TXNDC15: variants seen among roughly 807,000 people sequenced by gnomAD.
TXNDC15 encodes the protein thioredoxin domain-containing protein 15.
Under a neutral mutation model 35.0 loss-of-function variants are expected in TXNDC15, and 24 were observed. The observed-to-expected ratio is 0.68, with a 90% CI of 0.50 to 0.96. The LOEUF is 0.96. Among genes scored for constraint, TXNDC15 ranks in the 40% least tolerant of loss-of-function variants. The pLI is 0.00. For synonymous variants in TXNDC15, 169 were observed against 174.0 expected, an observed-to-expected ratio of 0.97 and a Z score of 0.23; for missense variants, 385 against 453.3, an observed-to-expected ratio of 0.85 and a Z score of 1.37.
chr5:134,900,285 T>C lies in TXNDC15; in HGVS notation c.*600T>C. 1 of 152,290 alleles carries C rather than the reference T, an allele frequency of 6.6e-6. No homozygotes were observed. The highest frequency in any genetic ancestry group is 1.9e-4 in the East Asian group (1 of 5,210). The allele number at this position is 152,290 out of a possible 1,614,324, so 9.4% of individuals were successfully genotyped here. A position where few individuals can be genotyped will look rare whatever the true frequency, so the allele number is the denominator to read the frequency against. ...AAGGGAGATGTTAGGAGAAAGGAAA[T>C]GCTGTAACTAAAGCTCAATTATTAT... is the stretch of plus-strand genomic sequence containing the variant. On this transcript the variant is annotated 3_prime_UTR_variant, in exon 5 of 5. Transcript: ENST00000358387.
chr5:134,878,372 T>C (rs1750080520), intron 1 of TXNDC15, among the ~76,000 whole-genome samples: 1 of 152,226 alleles, frequency 6.6e-6, no homozygotes, highest in African/African-American at 2.4e-5. Context: ...CACAGTAGCC[T>C]CATAATTTTC....
intron 4 of TXNDC15, among the ~76,000 whole-genome samples, chr5:134,898,224 C>T (rs1750533596): frequency 6.6e-6 from 1 of 152,132 alleles, no homozygotes; most frequent in Admixed American, 6.5e-5. Context: ...TGAGATGCAC[C>T]TGCATTGTCA....
At chr5:134,894,730 G>A (rs1390123876) in intron 3 of TXNDC15, among the ~76,000 whole-genome samples, 2 of 152,066 alleles carry the variant, frequency 1.3e-5, no homozygotes, top group Admixed American at 6.6e-5. Flanking sequence ...TAAGTGCTGC[G>A]ATTGTGCCTG....
chr5:134,886,706 G>T (rs1392309020), intron 1 of TXNDC15, among the ~76,000 whole-genome samples: 1 of 152,264 alleles, frequency 6.6e-6, no homozygotes, highest in Non-Finnish European at 1.5e-5. Flanking sequence ...ACCTCAGGAA[G>T]GAGCTGCTGT....
rs189939757 is a variant in TXNDC15, at chr5:134,890,859, G to C, written c.592-2633G>C. Among the ~76,000 whole-genome samples, 4 of 152,326 alleles carry C rather than the reference G, an allele frequency of 2.6e-5. No individual in the cohort carries two copies. In the East Asian group the frequency reaches 7.7e-4, roughly 29 times the overall value. ...TGCTGCATTATCAACTAAGTTTATG[G>C]AATATTCTAAATCCTTTGTCGTCAT... On this transcript the variant is annotated intron_variant, in intron 2 of 4. Coordinates refer to ENST00000358387, the MANE Select transcript of TXNDC15 (RefSeq NM_024715.4).
intron 1 of TXNDC15, among the ~76,000 whole-genome samples, chr5:134,884,308 G>A (rs2150186116): frequency 6.6e-6 from 1 of 150,752 alleles, no homozygotes; most frequent in African/African-American, 2.4e-5. Context: ...GAGTGCAATG[G>A]CACTATCTCG....
chr5:134,879,090 G>A (rs928258258), intron 1 of TXNDC15, among the ~76,000 whole-genome samples: 1 of 152,230 alleles, frequency 6.6e-6, no homozygotes, highest in African/African-American at 2.4e-5. Flanking sequence ...GAATAATTCA[G>A]TGTTTCTTTT....
chr5:134,879,235 C>A (rs1017489609), intron 1 of TXNDC15, among the ~76,000 whole-genome samples: 1 of 152,110 alleles, frequency 6.6e-6, no homozygotes, highest in Non-Finnish European at 1.5e-5. Context: ...CTTAAAATAC[C>A]AGCTCCATGC....
rs140474825 is a variant in TXNDC15 at position 134,887,851 on chromosome 5, A to G, written c.260A>G (p.Gln87Arg). ...EANAVLGLDT[Q>R]GDHMVMLSVI... ...AATGCGGTGCTGGGGCTGGACACCC[A>G]AGGCGATCACATGGTGATGCTGTCT... Residue 87 changes from glutamine (Q) to arginine (R), a missense_variant, in exon 2 of 5, where the codon CAA (glutamine) becomes CGA (arginine). Transcript: ENST00000358387. 4 of 1,614,098 alleles carry G rather than the reference A, an allele frequency of 2.5e-6. No individual in the cohort carries two copies. In the African/African-American group the frequency reaches 5.3e-5, roughly 22 times the overall value.
At chr5:134,876,836 C>T (rs1001588293) in intron 1 of TXNDC15, among the ~76,000 whole-genome samples, 8 of 149,384 alleles carry the variant, frequency 5.4e-5, no homozygotes, top group Admixed American at 1.3e-4. Flanking sequence ...GCAATGCTAT[C>T]CAGGTGTCTA....
At position 134,896,276 on chromosome 5, in the gene TXNDC15, G is replaced by T. The variant is rs1330677189; in HGVS notation, c.756-18G>T. On this transcript the variant is annotated intron_variant, in intron 3 of 4. Transcript: ENST00000358387. ...TATTAATAATAAATTCAGGTTTTTT[G>T]ACTTCTTTCTCTTGTAGCCTTTCTA... is the stretch of plus-strand genomic sequence containing the variant. The T allele has an allele frequency of 3.1e-6, 5 of 1,598,488 alleles. No homozygotes were observed. The highest frequency in any genetic ancestry group is 3.6e-5 in the Admixed American group (2 of 55,242).
chr5:134,883,612 GA>G (rs1336730225), intron 1 of TXNDC15, among the ~76,000 whole-genome samples: 1 of 94,520 alleles, frequency 1.1e-5, no homozygotes, highest in Non-Finnish European at 2.2e-5. Flanking sequence ...AAAAAAAAAA[GA>G]AAAGAAAAAG....
At chr5:134,896,127 C>T (rs1216249835) in intron 3 of TXNDC15, 167 bp from the exon 4 acceptor site, 1 of 678,056 alleles carries the variant, frequency 1.5e-6, no homozygotes, top group Non-Finnish European at 2.3e-6. Flanking sequence ...GACCCATAAG[C>T]AAAGAGGTCA....
chr5:134,874,174 C>G (rs1329471753), upstream of TXNDC15: 1 of 464,650 alleles, frequency 2.2e-6, no homozygotes, highest in African/African-American at 2.1e-5. Context: ...ATGCTCTGCA[C>G]TCTGGGGTCA....
intron 2 of TXNDC15, among the ~76,000 whole-genome samples, chr5:134,890,106 C>T (rs1750358090): frequency 1.3e-5 from 2 of 152,110 alleles, no homozygotes; most frequent in African/African-American, 4.8e-5. Context: ...CCATGGCTCA[C>T]TGCAGCCTTG....
At chr5:134,898,732 G>A (rs1750542719) in intron 4 of TXNDC15, among the ~76,000 whole-genome samples, 1 of 152,178 alleles carries the variant, frequency 6.6e-6, no homozygotes, top group Admixed American at 6.5e-5. Flanking sequence ...GGTAATCCCT[G>A]TTTCCGTTGG....
At position 134,896,326 on chromosome 5, in the gene TXNDC15, C is replaced by G; in HGVS notation, c.788C>G (p.Pro263Arg). ...ACCAGGTTTGGCACCGTAGCTGTTC[C>G]TAATATTTTATTATTTCAAGGAGCT... ...LSTRFGTVAV[P>R]NILLFQGAKP... Residue 263 changes from proline to arginine, a missense_variant, in exon 4 of 5, where the codon CCT becomes CGT. By Grantham distance (103) the Pro-to-Arg change is moderately radical. Transcript: ENST00000358387. The G allele has an allele frequency of 6.2e-7, 1 of 1,613,768 alleles. No individual in the cohort carries two copies. Among genetic ancestry groups the G allele is most frequent in the Non-Finnish European group, 8.5e-7 (1 of 1,179,908 alleles).
chr5:134,875,478 C>A (rs939980376), intron 1 of TXNDC15: 8 of 439,326 alleles, frequency 1.8e-5, no homozygotes, highest in African/African-American at 4.1e-5. Context: ...CGAGCATCAT[C>A]TTTTGGAATC....
chr5:134,893,400 C>A (rs1207420528), intron 2 of TXNDC15, 92 bp from the exon 3 acceptor site: 2 of 1,503,332 alleles, frequency 1.3e-6, no homozygotes, highest in Non-Finnish European at 1.8e-6. Context: ...CCGTTCCTCT[C>A]CCTGGAGCAG....
Sources: allele counts gnomAD v4.1 joint callset (sites outside exome capture counted in the v4.1 genomes callset), GRCh38; gene constraint gnomAD v4.1.1; transcripts MANE v1.5; gene names NCBI Gene and HGNC (gene_info 2026-07-23, HGNC 2026-07-21).